Variants in MYH3 observed in about 807,000 individuals in gnomAD.
The protein encoded by MYH3 is myosin heavy chain 3.
A neutral mutation model predicts 238.0 loss-of-function variants in MYH3; 130 were observed. That is an observed-to-expected ratio of 0.55 (90% CI 0.47 to 0.63). The LOEUF (loss-of-function observed/expected upper bound fraction) is 0.63, where lower values mean the gene tolerates loss of function less well. Ranked by LOEUF, MYH3 falls within the 30% of genes least tolerant of loss-of-function variation. The pLI is 0.00. For missense variants in MYH3, 1,853 were observed against 2,374.9 expected, an observed-to-expected ratio of 0.78 and a Z score of 4.57; for synonymous variants, 880 against 924.1, an observed-to-expected ratio of 0.95 and a Z score of 0.86.
chr17:10,659,448 T>C (rs931163912), upstream of MYH3, among the ~76,000 whole-genome samples: 1 of 152,206 alleles, frequency 6.6e-6, no homozygotes, highest in African/African-American at 2.4e-5. Context: ...TGTGAGATCT[T>C]GGCAGTTTCT....
chr17:10,671,178 C>G, the MYH3 span, among the ~76,000 whole-genome samples: 4 of 152,222 alleles, frequency 2.6e-5, no homozygotes, highest in Non-Finnish European at 5.9e-5. Context: ...CAGGCGTGAG[C>G]CACCATGCCC....
chr17:10,635,931 G>T, intron 28 of MYH3, 78 bp from the exon 29 acceptor site: 1 of 1,201,616 alleles, frequency 8.3e-7, no homozygotes, highest in Non-Finnish European at 1.2e-6. Context: ...GTAGGGCACT[G>T]TGCTAAGATC....
At chr17:10,636,681 C>T (rs530357878) in intron 28 of MYH3, among the ~76,000 whole-genome samples, 5 of 152,060 alleles carry the variant, frequency 3.3e-5, no homozygotes, top group East Asian at 1.9e-4. Context: ...TTTGGGAGGC[C>T]GACGCAGGCG....
rs1321573668 is a variant in MYH3 at position 10,641,358 on chromosome 17, C to T, written c.1974G>A (p.Lys658=). 4 of 1,599,490 alleles carry T rather than the reference C, an allele frequency of 2.5e-6. No individual in the cohort carries two copies. Among genetic ancestry groups the T allele is most frequent in the Non-Finnish European group, 3.4e-6 (4 of 1,172,662 alleles). The part of the protein sequence containing the change: ...VSALFRENLN[K]LMSNLRTTHP... ...GAGTAGTTCTTAAATTTGACATCAG[C>T]TTGTTCAGGTTTTCCTAAGAGAAAA... is the stretch of plus-strand genomic sequence containing the variant. The change falls in exon 18 of 41, where the codon AAG becomes AAA. Residue 658 remains lysine (K), a synonymous_variant. Transcript: ENST00000583535.
chr17:10,645,453 G>A (rs2074311673), intron 12 of MYH3, among the ~76,000 whole-genome samples: 1 of 151,976 alleles, frequency 6.6e-6, no homozygotes, highest in Non-Finnish European at 1.5e-5. Flanking sequence ...TCAGCCTCCT[G>A]AGTAGCTGGG....
intron 8 of MYH3, 143 bp downstream of exon 8, chr17:10,648,414 T>G: frequency 2.6e-6 from 2 of 781,308 alleles, no homozygotes; most frequent in Non-Finnish European, 4.5e-6. Context: ...TGGTCTGAAT[T>G]TATCTTTATC....
At chr17:10,634,753 C>T (rs2074197000) in intron 31 of MYH3, 87 bp downstream of exon 31, 16 of 1,534,236 alleles carry the variant, frequency 1.0e-5, no homozygotes, top group Non-Finnish European at 1.4e-5. Context: ...AGGGCAGAGT[C>T]AGGTCCGGGA....
chr17:10,658,023 G>T (rs1159398542), upstream of MYH3, among the ~76,000 whole-genome samples: 1 of 152,086 alleles, frequency 6.6e-6, no homozygotes, highest in Non-Finnish European at 1.5e-5. Context: ...CTGCCAGCTC[G>T]TATTCCCGGC....
upstream of MYH3, among the ~76,000 whole-genome samples, chr17:10,660,156 C>T (rs541983009): frequency 1.3e-5 from 2 of 152,348 alleles, no homozygotes; most frequent in South Asian, 2.1e-4. Flanking sequence ...ACATACCTGC[C>T]TCCCAGACTA....
rs867911530 is a variant in MYH3, at chr17:10,651,738, A to G, written c.349-70T>C. On this transcript the variant is annotated intron_variant, in intron 4 of 40. Coordinates refer to ENST00000583535, the MANE Select transcript of MYH3 (RefSeq NM_002470.4). The stretch of plus-strand genomic sequence containing the variant: ...ATATGGAAAACCCCTTGCCTTTATT[A>G]TTATTATTGTTTTTTTTTTTTTTTG... 731 of 1,475,814 alleles carry G rather than the reference A, an allele frequency of 5.0e-4. 4 individuals carry two copies. The African/African-American group carries it at 9.4e-3, about 19-fold the overall frequency. The allele number at this position is 1,475,814 out of a possible 1,614,324, so 91.4% of individuals were successfully genotyped here. A position where few individuals can be genotyped will look rare whatever the true frequency, so the allele number is the denominator to read the frequency against.
rs766768674 is a variant in MYH3 at position 10,639,705 on chromosome 17, GCTCT to G, written c.2776_2779del (p.Arg926LeufsTer11). On this transcript the variant is annotated frameshift_variant, in exon 23 of 41. Coordinates refer to ENST00000583535, the MANE Select transcript of MYH3 (RefSeq NM_002470.4). LOFTEE classifies it high-confidence loss of function. ...AGCATTGATCTCCTCCTCATCTTCA[GCTCT>G]CTCTGTCACCTCCTTGATCTTGGCC... is the stretch of plus-strand genomic sequence containing the variant. The G allele has an allele frequency of 5.0e-6, 8 of 1,613,496 alleles. No individual in the cohort carries two copies. The highest frequency in any genetic ancestry group is 4.0e-5 in the African/African-American group (3 of 74,714).
the MYH3 span, among the ~76,000 whole-genome samples, chr17:10,665,353 G>A: frequency 6.6e-6 from 1 of 152,082 alleles, no homozygotes; most frequent in African/African-American, 2.4e-5. Context: ...ATGTTGGTCA[G>A]GCTGGTCTTG....
chr17:10,676,618 T>C, the MYH3 span: 1 of 152,346 alleles, frequency 6.6e-6, no homozygotes, highest in South Asian at 2.1e-4. Flanking sequence ...TTCGGTTAAA[T>C]ACCCACATCA....
chr17:10,637,375 T>C lies in MYH3; in HGVS notation c.3856+434A>G, dbSNP rs930555321. Among the ~76,000 whole-genome samples the C allele has an allele frequency of 6.6e-4, 100 of 152,224 alleles. 1 individual carries two copies. The highest frequency in any genetic ancestry group is 6.8e-3 in the Middle Eastern group (2 of 294). ...ACACCCGGCCTCCCTTATGTTTTTA[T>C]TATACACCAGGACCTTTAAACACTG... On this transcript the variant is annotated intron_variant, in intron 28 of 40. Transcript: ENST00000583535.
chr17:10,647,338 A>G (rs746672131), intron 9 of MYH3, 25 bp downstream of exon 9: 3 of 1,614,118 alleles, frequency 1.9e-6, no homozygotes, highest in Non-Finnish European at 2.5e-6. Context: ...CTGAGACGCC[A>G]TCGAATCCCC....
intron 12 of MYH3, among the ~76,000 whole-genome samples, chr17:10,645,199 C>T (rs1319313001): frequency 6.6e-6 from 1 of 151,940 alleles, no homozygotes; most frequent in African/African-American, 2.4e-5. Flanking sequence ...CTTTGGGATG[C>T]CAAGGCAGGC....
Position 10,642,153 on chromosome 17 carries a change from CAAAT to C in MYH3, c.1959+83_1959+86del. On this transcript the variant is annotated intron_variant, in intron 17 of 40. Transcript: ENST00000583535. This position sits in a 1 kb window ranked among gnomAD's most constrained non-coding sequence, Gnocchi z 5.4. ...CAGATTAAGACAACACTACTACTCT[CAAAT>C]AAATCAAGCTTAGAATCTCAGCATT... The C allele has an allele frequency of 7.9e-7, 1 of 1,267,072 alleles. No individual in the cohort carries two copies. Among genetic ancestry groups the C allele is most frequent in the Non-Finnish European group, 1.1e-6 (1 of 881,802 alleles). The allele number at this position is 1,267,072 out of a possible 1,614,324, so 78.5% of individuals were successfully genotyped here. A position where few individuals can be genotyped will look rare whatever the true frequency, so the allele number is the denominator to read the frequency against.
chr17:10,640,326 G>A lies in MYH3; in HGVS notation c.2426+7C>T. The A allele has an allele frequency of 6.2e-7, 1 of 1,614,188 alleles. No homozygotes were observed. The highest frequency in any genetic ancestry group is 1.1e-5 in the South Asian group (1 of 91,082). ...GAGCTCATGTCTGAACAAAGACCCT[G>A]CTGGACCTCCTCTGCACCATCTTCT... On this transcript the variant is annotated splice_region_variant and intron_variant, in intron 21 of 40. Coordinates refer to ENST00000583535, the MANE Select transcript of MYH3 (RefSeq NM_002470.4).
chr17:10,646,608 G>A (rs1274909198), intron 10 of MYH3, among the ~76,000 whole-genome samples: 1 of 152,202 alleles, frequency 6.6e-6, no homozygotes, highest in Non-Finnish European at 1.5e-5. Context: ...ACAAGGGGGC[G>A]CCAAAGGACA....
Sources: gnomAD v4.1 joint callset for allele counts (sites outside exome capture counted in the v4.1 genomes callset) on GRCh38, gnomAD v4.1.1 for gene constraint, Gnocchi (gnomAD v3.1) non-coding constraint, MANE v1.5 for transcripts, NCBI Gene and HGNC (gene_info 2026-07-23, HGNC 2026-07-21) for gene names.